Variants in GSTA4 observed in about 807,000 individuals in gnomAD.
GSTA4 encodes the protein glutathione S-transferase A4.
GSTA4 carries 15 observed loss-of-function variants against 24.4 expected under a neutral mutation model. The observed-to-expected ratio is 0.61, with a 90% CI of 0.41 to 0.95. The LOEUF (loss-of-function observed/expected upper bound fraction) is 0.95, where lower values mean the gene tolerates loss of function less well. GSTA4 is among the 40% of genes least tolerant of loss of function. GSTA4 has a pLI of 0.00. For missense variants in GSTA4, 244 were observed against 262.1 expected, an observed-to-expected ratio of 0.93 and a Z score of 0.48; for synonymous variants, 92 against 94.2, an observed-to-expected ratio of 0.98 and a Z score of 0.13.
Position 52,982,902 on chromosome 6 carries a change from AGC to A in GSTA4, c.415-199_415-198del, listed in dbSNP as rs1468934187. Among the ~76,000 whole-genome samples, 962 of 128,576 alleles carry A rather than the reference AGC, an allele frequency of 7.5e-3. 5 individuals carry two copies. The highest frequency in any genetic ancestry group is 0.018 in the Admixed American group (233 of 12,826). 84.4% of individuals were successfully genotyped at this position (128,576 alleles called of 152,430 possible). A position where few individuals can be genotyped will look rare whatever the true frequency, so the allele number is the denominator to read the frequency against. ...GAGAGGGGGAGAGAGAGAGAGAGAG[AGC>A]GAGAGAGAGAGAGAGAAAGTACAAA... On this transcript the variant is annotated intron_variant, in intron 5 of 6. Coordinates refer to ENST00000370963, the MANE Select transcript of GSTA4 (RefSeq NM_001512.4).
chr6:52,991,103 T>C (rs1045311368), intron 2 of GSTA4, among the ~76,000 whole-genome samples: 1 of 152,238 alleles, frequency 6.6e-6, no homozygotes, highest in Non-Finnish European at 1.5e-5. Flanking sequence ...ATTTGCATCT[T>C]TGGAGGTTGC....
At chr6:52,990,120 A>T (rs540677638) in intron 2 of GSTA4, among the ~76,000 whole-genome samples, 2 of 152,308 alleles carry the variant, frequency 1.3e-5, no homozygotes, top group Non-Finnish European at 2.9e-5. Flanking sequence ...CCTGGGTTTT[A>T]AGGGGTCTTC....
chr6:52,986,624 G>A (rs984168827), intron 3 of GSTA4, among the ~76,000 whole-genome samples: 1 of 152,208 alleles, frequency 6.6e-6, no homozygotes, highest in Non-Finnish European at 1.5e-5. Flanking sequence ...GGCCTTGAGG[G>A]TTTGAGCATT....
chr6:52,985,580 T>G lies in GSTA4; in HGVS notation c.143A>C (p.Asn48Thr). The change falls in exon 4 of 7, where the codon AAC becomes ACC. Residue 48 changes from asparagine to threonine, a missense_variant. Physicochemically the swap from Asn to Thr is moderately conservative, Grantham distance 65. Transcript: ENST00000370963. ...GGGCACTTGTTGGAACAGCAGGTGG[T>G]TACCTGAGAATGGAAGCCCAGAGTT... The part of the protein sequence containing the change: ...KEQLYKLQDG[N>T]HLLFQQVPMV... 6.2e-7 allele frequency: 1 copy of G among 1,613,980 alleles called. No homozygotes were observed. The highest frequency in any genetic ancestry group is 8.5e-7 in the Non-Finnish European group (1 of 1,179,848).
chr6:52,985,611 T>C (rs1169210633), intron 3 of GSTA4, 28 bp from the exon 4 acceptor site: 1 of 1,610,852 alleles, frequency 6.2e-7, no homozygotes, highest in South Asian at 1.1e-5. Context: ...GAGTTAGAAG[T>C]GATCTTTTCT....
intron 6 of GSTA4, among the ~76,000 whole-genome samples, chr6:52,979,985 G>A (rs1489132675): frequency 1.3e-5 from 2 of 152,064 alleles, no homozygotes; most frequent in Non-Finnish European, 2.9e-5. Flanking sequence ...ATCAACACAG[G>A]AATAACCCTT....
chr6:52,985,730 C>CGA, intron 3 of GSTA4, 147 bp from the exon 4 acceptor site: 1 of 850,318 alleles, frequency 1.2e-6, no homozygotes, highest in Non-Finnish European at 1.8e-6. Context: ...ACCTTAACTT[C>CGA]ATTCAGGAGA....
chr6:52,984,243 T>A (rs1469387756), intron 5 of GSTA4, among the ~76,000 whole-genome samples: 1 of 152,230 alleles, frequency 6.6e-6, no homozygotes, highest in African/African-American at 2.4e-5. Flanking sequence ...GCCCATACTT[T>A]TTCTAGACTT....
chr6:52,989,800 T>C (rs1763630756), intron 2 of GSTA4, among the ~76,000 whole-genome samples: 1 of 152,228 alleles, frequency 6.6e-6, no homozygotes, highest in African/African-American at 2.4e-5. Context: ...ATATTTGTAC[T>C]ACAACATACT....
chr6:52,985,837 G>C (rs1048958908), intron 3 of GSTA4, among the ~76,000 whole-genome samples: 28 of 152,126 alleles, frequency 1.8e-4, no homozygotes, highest in Non-Finnish European at 3.7e-4. Flanking sequence ...CGGATCATGA[G>C]GTCAGGAGTT....
chr6:52,982,430 A>C, intron 6 of GSTA4, 144 bp downstream of exon 6: 1 of 556,438 alleles, frequency 1.8e-6, no homozygotes, highest in Middle Eastern at 4.1e-4. Flanking sequence ...TTGGGTCCTT[A>C]CTTTCATTTC....
intron 3 of GSTA4, 111 bp downstream of exon 3, chr6:52,987,246 G>C (rs1336507661): frequency 4.3e-6 from 3 of 694,138 alleles, no homozygotes; most frequent in Non-Finnish European, 7.5e-6. Context: ...TTTGGTTTTA[G>C]GATACTGTTC....
At chr6:52,988,670 C>A (rs1763608671) in intron 2 of GSTA4, among the ~76,000 whole-genome samples, 1 of 152,100 alleles carries the variant, frequency 6.6e-6, no homozygotes, top group Non-Finnish European at 1.5e-5. Flanking sequence ...AGAGACTTAA[C>A]AACCAAATTG....
At chr6:52,984,360 T>C in intron 5 of GSTA4, 104 bp downstream of exon 5, 2 of 1,080,802 alleles carry the variant, frequency 1.9e-6, no homozygotes, top group Non-Finnish European at 2.7e-6. Context: ...TTAGTTCAAC[T>C]GGGCTCAGTT....
At chr6:52,980,686 G>A (rs922554332) in intron 6 of GSTA4, among the ~76,000 whole-genome samples, 10 of 152,128 alleles carry the variant, frequency 6.6e-5, no homozygotes, top group Non-Finnish European at 1.0e-4. Flanking sequence ...GGTACTTCTA[G>A]TACTTCTAAA....
intron 2 of GSTA4, among the ~76,000 whole-genome samples, chr6:52,992,165 CAA>C (rs1451682078): frequency 6.6e-6 from 1 of 151,590 alleles, no homozygotes; most frequent in Non-Finnish European, 1.5e-5. Flanking sequence ...GTGCTGAGAA[CAA>C]AAAAGAGGCC....
In GSTA4 at chr6:52,980,351, C is replaced by T. The variant is rs183106252; in HGVS notation, c.547-1759G>A. On this transcript the variant is annotated intron_variant, in intron 6 of 6. Coordinates refer to ENST00000370963, the MANE Select transcript of GSTA4 (RefSeq NM_001512.4). ...ACACAGTTTTGCTCTGTCACCCAGGCTGCAGTGCAGTGGCATGATCTCGGC... is the reference window on the plus strand; with the variant it reads ...ACACAGTTTTGCTCTGTCACCCAGGTTGCAGTGCAGTGGCATGATCTCGGC... Among the ~76,000 whole-genome samples the T allele has an allele frequency of 3.0e-3, 457 of 150,880 alleles. 4 individuals carry two copies. The highest frequency in any genetic ancestry group is 0.01 in the African/African-American group (420 of 40,988).
chr6:52,978,860 G>T (rs958235211), intron 6 of GSTA4, among the ~76,000 whole-genome samples: 4 of 152,074 alleles, frequency 2.6e-5, no homozygotes, highest in African/African-American at 9.7e-5. Flanking sequence ...GAAAGTTTAT[G>T]AATTTATGTT....
intron 2 of GSTA4, among the ~76,000 whole-genome samples, chr6:52,991,498 A>T (rs1410506646): frequency 6.6e-6 from 1 of 151,964 alleles, no homozygotes; most frequent in African/African-American, 2.4e-5. Flanking sequence ...GGAAAAAAAA[A>T]GTTAAAGAGA....
Sources: allele counts gnomAD v4.1 joint callset (sites outside exome capture counted in the v4.1 genomes callset), GRCh38; gene constraint gnomAD v4.1.1; transcripts MANE v1.5; gene names NCBI Gene and HGNC (gene_info 2026-07-23, HGNC 2026-07-21).